The following USH2A variants were observed in gnomAD, a reference collection of about 807,000 sequenced individuals.
USH2A encodes Usher syndrome 2A (autosomal recessive, mild).
USH2A carries 443 observed loss-of-function variants against 538.9 expected under a neutral mutation model. The ratio of observed to expected loss-of-function variants is 0.82; its 90% CI spans 0.76 to 0.89. The LOEUF is 0.89. USH2A is among the 40% of genes least tolerant of loss of function. The pLI, the probability that USH2A is intolerant of heterozygous loss-of-function variation, is 0.00. For missense variants in USH2A, 6,633 were observed against 6,324.8 expected (o/e 1.05, Z -1.65); for synonymous variants, 2,413 against 2,273.5 (o/e 1.06, Z -1.75).
chr1:216,313,360 T>TAATGAGCCCTGTGCTCATTAA (rs1264741910), intron 9 of USH2A, among the ~76,000 whole-genome samples: 2 of 152,186 alleles, frequency 1.3e-5, no homozygotes, highest in African/African-American at 2.4e-5. Context: ...TTTCAGTTTT[T>TAATGAGCCCTGTGCTCATTAA]AATGAGCCCT....
chr1:215,774,456 A>C (rs1198593109), intron 55 of USH2A, among the ~76,000 whole-genome samples: 1 of 151,696 alleles, frequency 6.6e-6, no homozygotes, highest in Non-Finnish European at 1.5e-5. Context: ...GTTGATGTAT[A>C]TCTGGAATAA....
At chr1:216,022,709 A>T (rs1344479431) in intron 32 of USH2A, among the ~76,000 whole-genome samples, 2 of 152,172 alleles carry the variant, frequency 1.3e-5, no homozygotes, top group African/African-American at 4.8e-5. Context: ...GAACAGTGAT[A>T]CAGATATAAC....
intron 58 of USH2A, among the ~76,000 whole-genome samples, chr1:215,757,391 A>G (rs190625765): frequency 6.6e-6 from 1 of 152,264 alleles, no homozygotes; most frequent in African/African-American, 2.4e-5. Context: ...ATACAATAGT[A>G]CCTGTTTTGA....
chr1:216,420,022 G>C (rs1247931539), intron 2 of USH2A, among the ~76,000 whole-genome samples: 1 of 151,952 alleles, frequency 6.6e-6, no homozygotes, highest in Non-Finnish European at 1.5e-5. Context: ...ATGACATAAA[G>C]GTTTTATATA....
intron 38 of USH2A, among the ~76,000 whole-genome samples, chr1:215,912,486 T>C (rs1433447541): frequency 9.8e-4 from 17 of 17,268 alleles, no homozygotes; most frequent in African/African-American, 3.8e-3. Flanking sequence ...CGTATATATA[T>C]ATATGTGTAT....
intron 56 of USH2A, among the ~76,000 whole-genome samples, chr1:215,764,464 G>A (rs1012358393): frequency 1.3e-5 from 2 of 152,116 alleles, no homozygotes; most frequent in Non-Finnish European, 2.9e-5. Flanking sequence ...AAATCTTCCT[G>A]TTATTTGACT....
Position 215,648,695 on chromosome 1 carries a change from T to C in USH2A, c.14415A>G (p.Val4805=), listed in dbSNP as rs1277260250. The C allele has an allele frequency of 6.8e-6, 11 of 1,614,094 alleles. No individual in the cohort carries two copies. The highest frequency in any genetic ancestry group is 2.2e-5 in the East Asian group (1 of 44,894). The change falls in exon 66 of 72, where the codon GTA becomes GTG. Residue 4805 remains valine (V), a synonymous_variant. Transcript: ENST00000307340. ...LQAFTNYSIG[V]EACTCFNCCS... ...AACAGTTGAAGCAGGTGCAGGCCTC[T>C]ACTCCAATAGAGTAGTTAGTGAAGG...
intron 4 of USH2A, among the ~76,000 whole-genome samples, chr1:216,361,920 C>T (rs2038498265): frequency 6.6e-6 from 1 of 152,124 alleles, no homozygotes; most frequent in Non-Finnish European, 1.5e-5. Context: ...AGTTTGAGAA[C>T]AGGCAACATT....
intron 44 of USH2A, among the ~76,000 whole-genome samples, chr1:215,864,818 G>T (rs1664428733): frequency 6.6e-6 from 1 of 151,884 alleles, no homozygotes; most frequent in Non-Finnish European, 1.5e-5. Flanking sequence ...TTTAAAACTG[G>T]CCCTTCAAAA....
rs766954462 is a variant in USH2A at position 216,055,540 on chromosome 1, A to T, written c.6050-6893T>A. 2.0e-4 allele frequency among the ~76,000 whole-genome samples: 30 copies of T among 152,332 alleles called. No homozygotes were observed. Among genetic ancestry groups the T allele is most frequent in the Non-Finnish European group, 3.8e-4 (26 of 68,040 alleles). On this transcript the variant is annotated intron_variant, in intron 30 of 71. Transcript: ENST00000307340. Reference sequence around the variant, plus strand: ...ATCCAATATGCCATGCTTCCTGACCACTTAAAGGAACCTCTGAAAATAAAG... The same window carrying T: ...ATCCAATATGCCATGCTTCCTGACCTCTTAAAGGAACCTCTGAAAATAAAG...
At chr1:216,092,596 T>C (rs2102568554) in intron 22 of USH2A, among the ~76,000 whole-genome samples, 1 of 152,340 alleles carries the variant, frequency 6.6e-6, no homozygotes, top group East Asian at 1.9e-4. Context: ...CCCTCAGTTT[T>C]AACACTTCTT....
chr1:215,833,885 A>G (rs755128452), intron 47 of USH2A, among the ~76,000 whole-genome samples: 1 of 152,122 alleles, frequency 6.6e-6, no homozygotes, highest in Non-Finnish European at 1.5e-5. Flanking sequence ...AAATTTGCAA[A>G]AGATTTGGAG....
chr1:215,721,817 A>G (rs1659669106), intron 61 of USH2A, among the ~76,000 whole-genome samples: 1 of 152,166 alleles, frequency 6.6e-6, no homozygotes, highest in Non-Finnish European at 1.5e-5. Flanking sequence ...TAATTCCAAC[A>G]CTTTGGGACG....
Position 215,854,626 on chromosome 1 carries a change from C to A in USH2A, c.8846-8593G>T, listed in dbSNP as rs1043917170. 5.3e-5 allele frequency among the ~76,000 whole-genome samples: 8 copies of A among 152,296 alleles called. No homozygotes were observed. The South Asian group carries it at 6.2e-4, about 12-fold the overall frequency. On this transcript the variant is annotated intron_variant, in intron 44 of 71. Coordinates refer to ENST00000307340, the MANE Select transcript of USH2A (RefSeq NM_206933.4). ...TCTCTTCTGCAGAGAAAGAAGGGCT[C>A]CCAAATGGGTCTTCCAGTCCACGGC...
At position 216,012,106 on chromosome 1, in the gene USH2A, C is replaced by G. The variant is rs1352228446; in HGVS notation, c.6326-11544G>C. Among the ~76,000 whole-genome samples, 2 of 83,618 alleles carry G rather than the reference C, an allele frequency of 2.4e-5. 1 individual carries two copies. Among genetic ancestry groups the G allele is most frequent in the African/African-American group, 7.8e-5 (2 of 25,528 alleles). The allele number at this position is 83,618 out of a possible 152,430, so 54.9% of individuals were successfully genotyped here. On this transcript the variant is annotated intron_variant, in intron 32 of 71. Transcript: ENST00000307340. ...GGTTCACGCCATTCTCCTGCCTCAG[C>G]CTCCCCAGTAGCTGGGACTACAGGC...
At chr1:215,792,259 T>A (rs1169942884) in intron 50 of USH2A, among the ~76,000 whole-genome samples, 3 of 152,208 alleles carry the variant, frequency 2.0e-5, no homozygotes, top group Non-Finnish European at 4.4e-5. Flanking sequence ...GATAATGAAC[T>A]GTTTTTAAAC....
intron 41 of USH2A, among the ~76,000 whole-genome samples, chr1:215,887,292 C>T (rs904619901): frequency 2.0e-5 from 3 of 151,966 alleles, no homozygotes; most frequent in African/African-American, 7.3e-5. Flanking sequence ...TTTGTTGCAT[C>T]ATAGTGATTG....
At chr1:216,326,012 A>C (rs971666548) in intron 5 of USH2A, among the ~76,000 whole-genome samples, 2 of 152,208 alleles carry the variant, frequency 1.3e-5, no homozygotes, top group East Asian at 3.9e-4. Flanking sequence ...TAATGTTTTC[A>C]GTTCATCCAT....
intron 38 of USH2A, among the ~76,000 whole-genome samples, chr1:215,918,177 A>T (rs1017599856): frequency 6.6e-6 from 1 of 152,078 alleles, no homozygotes; most frequent in African/African-American, 2.4e-5. Flanking sequence ...TAACAACGGG[A>T]TTGGATATAA....
Sources: gnomAD v4.1 joint callset for allele counts (sites outside exome capture counted in the v4.1 genomes callset) on GRCh38, gnomAD v4.1.1 for gene constraint, MANE v1.5 for transcripts, NCBI Gene and HGNC (gene_info 2026-07-23, HGNC 2026-07-21) for gene names.